PCM1: variants seen among roughly 807,000 people sequenced by gnomAD.
The protein encoded by PCM1 is pericentriolar material 1.
PCM1 carries 157 observed loss-of-function variants against 241.9 expected under a neutral mutation model. That is an observed-to-expected ratio of 0.65 (90% CI 0.57 to 0.74). PCM1 has a LOEUF of 0.74. PCM1 is among the 30% of genes least tolerant of loss of function. The pLI is 0.00. For missense variants in PCM1, 3,478 were observed against 2,360.1 expected (o/e 1.47, Z -9.81); for synonymous variants, 1,085 against 784.9 (o/e 1.38, Z -6.39).
chr8:17,957,979 C>T (rs966217031), intron 13 of PCM1, among the ~76,000 whole-genome samples: 7 of 152,106 alleles, frequency 4.6e-5, no homozygotes, highest in Non-Finnish European at 8.8e-5. Context: ...TAGATAGTTG[C>T]GGCTTTGTGG....
chr8:17,939,569 C>T, intron 5 of PCM1, 122 bp from the exon 6 acceptor site: 2 of 488,102 alleles, frequency 4.1e-6, no homozygotes, highest in African/African-American at 2.0e-5. Context: ...CACAATAATC[C>T]AAGTGTCTTT....
At chr8:17,951,756 C>G (rs1316011652) in intron 8 of PCM1, among the ~76,000 whole-genome samples, 1 of 151,994 alleles carries the variant, frequency 6.6e-6, no homozygotes, top group Non-Finnish European at 1.5e-5. Flanking sequence ...TGGGTAATGA[C>G]ATTGGAAAGG....
intron 2 of PCM1, among the ~76,000 whole-genome samples, chr8:17,929,618 C>T (rs2058319834): frequency 6.6e-6 from 1 of 152,138 alleles, no homozygotes; most frequent in South Asian, 2.1e-4. Context: ...TTTCTAGCAA[C>T]CTTTATCCTT....
chr8:17,967,569 T>C (rs1347276703), intron 21 of PCM1, among the ~76,000 whole-genome samples: 1 of 151,624 alleles, frequency 6.6e-6, no homozygotes, highest in African/African-American at 2.4e-5. Flanking sequence ...TGGCCTCCCA[T>C]GGTGCTGGGA....
chr8:17,947,939 T>C (rs208765), intron 7 of PCM1, among the ~76,000 whole-genome samples: 81,216 of 152,070 alleles, frequency 0.53, 22,840 homozygotes, highest in Middle Eastern at 0.65. Context: ...GTGAATTAGA[T>C]GAAAGTTGTG....
chr8:17,978,277 A>G (rs1396075518), intron 23 of PCM1, among the ~76,000 whole-genome samples: 1 of 152,104 alleles, frequency 6.6e-6, no homozygotes, highest in Non-Finnish European at 1.5e-5. Flanking sequence ...AGAAGTTCTG[A>G]AGGGGAAAAT....
rs1410633931 is a variant in PCM1, at chr8:17,956,796, A to G, written c.1646+19A>G. 6.3e-7 allele frequency: 1 copy of G among 1,583,494 alleles called. No individual in the cohort carries two copies. Among genetic ancestry groups the G allele is most frequent in the Non-Finnish European group, 8.6e-7 (1 of 1,157,596 alleles). On this transcript the variant is annotated intron_variant, in intron 11 of 38. Transcript: ENST00000325083. ...ACATTCGGTAAGAACTTTTCTGGGG[A>G]TGTTTTTCCAGCATATTCATTCTGT...
chr8:17,928,358 C>G (rs1563581576), intron 2 of PCM1, among the ~76,000 whole-genome samples: 1 of 152,160 alleles, frequency 6.6e-6, no homozygotes, highest in Admixed American at 6.5e-5. Flanking sequence ...ACACTGCTGT[C>G]TCACCCTCAC....
chr8:17,967,610 C>T (rs962238582), intron 21 of PCM1, among the ~76,000 whole-genome samples: 2 of 152,148 alleles, frequency 1.3e-5, no homozygotes, highest in South Asian at 2.1e-4. Flanking sequence ...GCCCAGCCTA[C>T]GTTGTTCCTT....
intron 6 of PCM1, among the ~76,000 whole-genome samples, chr8:17,942,889 C>T (rs1039072713): frequency 1.3e-5 from 2 of 151,418 alleles, no homozygotes; most frequent in African/African-American, 2.4e-5. Flanking sequence ...CTCAGCTACT[C>T]AGGAGGCTGA....
chr8:18,017,835 A>C lies in PCM1; in HGVS notation c.5841+2995A>C, dbSNP rs184650424. 1.1e-3 allele frequency among the ~76,000 whole-genome samples: 171 copies of C among 152,186 alleles called. 1 individual carries two copies. The highest frequency in any genetic ancestry group is 4.0e-3 in the South Asian group (19 of 4,808). On this transcript the variant is annotated intron_variant, in intron 36 of 38. Transcript: ENST00000325083. ...GCCATTGCACTCCAGCCTGGGCAACAAGAGCAAAACTCCATCTCAAAAAAA... is the reference window on the plus strand; with the variant it reads ...GCCATTGCACTCCAGCCTGGGCAACCAGAGCAAAACTCCATCTCAAAAAAA...
At chr8:17,961,562 C>T (rs956839322) in intron 15 of PCM1, among the ~76,000 whole-genome samples, 1 of 152,120 alleles carries the variant, frequency 6.6e-6, no homozygotes, top group African/African-American at 2.4e-5. Flanking sequence ...CCGCCCGCCT[C>T]GGCCTCCTGA....
intron 28 of PCM1, 73 bp downstream of exon 28, chr8:17,991,773 G>C (rs1461235207): frequency 1.8e-6 from 2 of 1,135,580 alleles, no homozygotes; most frequent in African/African-American, 1.6e-5. Flanking sequence ...TTCTTTAGTG[G>C]TGATTTCTGA....
chr8:18,027,859 T>G lies in PCM1; in HGVS notation c.*197T>G. ...TGGACAGATTTAAGCCTTGACACAC[T>G]GTGTTTTTTTTTTTTTCCCCCTTCT... On this transcript the variant is annotated 3_prime_UTR_variant, in exon 39 of 39. Coordinates refer to ENST00000325083, the MANE Select transcript of PCM1 (RefSeq NM_006197.4). 2.5e-6 allele frequency: 1 copy of G among 400,156 alleles called. No homozygotes were observed. 24.8% of individuals were successfully genotyped at this position (400,156 alleles called of 1,614,324 possible).
In PCM1 at chr8:17,937,234, C is replaced by A; in HGVS notation, c.197C>A (p.Pro66Gln). The A allele has an allele frequency of 6.2e-7, 1 of 1,609,010 alleles. No homozygotes were observed. The highest frequency in any genetic ancestry group is 8.5e-7 in the Non-Finnish European group (1 of 1,176,650). Residue 66 changes from proline (P) to glutamine (Q), a missense_variant, in exon 4 of 39, where the codon CCG becomes CAG. Transcript: ENST00000325083. ...SDKRVTNDIS[P>Q]ESSPGVGRRR... is the part of the protein sequence containing the mutation. The stretch of plus-strand genomic sequence containing the variant: ...AAAAGAGTAACCAATGATATTTCTC[C>A]GGAGTCGTCACCAGGAGTTGGAAGG...
At chr8:17,964,508 G>T in intron 17 of PCM1, 60 bp from the exon 18 acceptor site, 1 of 1,260,336 alleles carries the variant, frequency 7.9e-7, no homozygotes, top group East Asian at 2.4e-5. Context: ...CACATAGTAG[G>T]TGGCAGAGTA....
chr8:17,938,782 A>T lies in PCM1; in HGVS notation c.385A>T (p.Asn129Tyr). Reference sequence around the variant, plus strand: ...TTCCCAAGGTAGAGCAACAGCTGCTAACAACAAACGTCAGCTTAGTGAAAA... The same window carrying T: ...TTCCCAAGGTAGAGCAACAGCTGCTTACAACAAACGTCAGCTTAGTGAAAA... ...SDSQGRATAA[N>Y]NKRQLSENRK... The change falls in exon 5 of 39, where the codon AAC becomes TAC. Residue 129 changes from asparagine to tyrosine, a missense_variant. By Grantham distance (143) the Asn-to-Tyr change is moderately radical. Transcript: ENST00000325083. 1 of 1,612,046 alleles carries T rather than the reference A, an allele frequency of 6.2e-7. No homozygotes were observed. The highest frequency in any genetic ancestry group is 8.5e-7 in the Non-Finnish European group (1 of 1,178,062).
chr8:17,985,918 T>G, intron 25 of PCM1, 41 bp from the exon 26 acceptor site: 3 of 1,273,334 alleles, frequency 2.4e-6, no homozygotes, highest in Non-Finnish European at 3.2e-6. Context: ...TGATTAAGCA[T>G]GTATGTTTTA....
chr8:17,981,734 C>A (rs1395798022), intron 24 of PCM1, among the ~76,000 whole-genome samples: 1 of 151,992 alleles, frequency 6.6e-6, no homozygotes, highest in Non-Finnish European at 1.5e-5. Flanking sequence ...GTTTTATTTC[C>A]ATTTTTCGGA....
Sources: allele counts gnomAD v4.1 joint callset (sites outside exome capture counted in the v4.1 genomes callset), GRCh38; gene constraint gnomAD v4.1.1; transcripts MANE v1.5; gene names NCBI Gene and HGNC (gene_info 2026-07-23, HGNC 2026-07-21).